HEMK1: variants seen among roughly 807,000 people sequenced by gnomAD.
HEMK1 encodes MTRF1L release factor glutamine methyltransferase.
Under a neutral mutation model 47.9 loss-of-function variants are expected in HEMK1, and 36 were observed. That is an observed-to-expected ratio of 0.75 (90% CI 0.58 to 0.99). The LOEUF (loss-of-function observed/expected upper bound fraction) is 0.99, where lower values mean the gene tolerates loss of function less well. Among genes scored for constraint, HEMK1 ranks in the 50% least tolerant of loss-of-function variants. The pLI is 0.00. For missense variants in HEMK1, 383 were observed against 434.5 expected, an observed-to-expected ratio of 0.88 and a Z score of 1.05; for synonymous variants, 153 against 165.4, an observed-to-expected ratio of 0.93 and a Z score of 0.57.
At chr3:50,574,144 C>T (rs1701316647) in intron 4 of HEMK1, among the ~76,000 whole-genome samples, 1 of 152,220 alleles carries the variant, frequency 6.6e-6, no homozygotes, top group African/African-American at 2.4e-5. Context: ...CTGCCTGCCC[C>T]TCACCTCTTT....
intron 4 of HEMK1, among the ~76,000 whole-genome samples, chr3:50,575,101 C>G (rs180801928): frequency 1.6e-4 from 25 of 152,126 alleles, no homozygotes; most frequent in African/African-American, 4.8e-4. Flanking sequence ...GAGGGTGGTG[C>G]CACAGAGAGC....
chr3:50,580,057 C>T, intron 9 of HEMK1, 59 bp from the exon 10 acceptor site: 2 of 1,548,774 alleles, frequency 1.3e-6, no homozygotes, highest in Non-Finnish European at 1.8e-6. Context: ...GCCCAAGCAG[C>T]CCAGAAGGGC....
rs1265141676 is a variant in HEMK1 at position 50,578,827 on chromosome 3, G to T, written c.671G>T (p.Ser224Ile). 1.2e-6 allele frequency: 2 copies of T among 1,611,412 alleles called. No homozygotes were observed. Among genetic ancestry groups the T allele is most frequent in the Non-Finnish European group, 1.7e-6 (2 of 1,178,260 alleles). The change falls in exon 8 of 11, where the codon AGC becomes ATC. Residue 224 changes from serine (S) to isoleucine (I), a missense_variant. Transcript: ENST00000232854. ...TCCTCTTCTTTGACGACAGAAAGGA[G>T]CTGGACACACCTGCCCTGGGGCCCC... ...IIHLDMTSER[S>I]WTHLPWGPMD...
In HEMK1 at chr3:50,591,618, G is replaced by A. The variant is rs1202453684; in HGVS notation, c.*11201G>A. On this transcript the variant is annotated 3_prime_UTR_variant, in exon 11 of 11. Transcript: ENST00000232854. ...TCCACGCAGGGCCTCCCTTGGATGG[G>A]GGAGCTCCAGGCTCTGGAAACCAAG... 1 of 152,406 alleles carries A rather than the reference G, an allele frequency of 6.6e-6. No homozygotes were observed. The highest frequency in any genetic ancestry group is 2.4e-5 in the African/African-American group (1 of 41,190). 9.4% of individuals were successfully genotyped at this position (152,406 alleles called of 1,614,324 possible).
rs1244443379 is a variant in HEMK1, at chr3:50,588,462, C to G, written c.*8045C>G. ...CAACCCCCCAGAGGGGCCTCAGGAGCCAGTTAGGTGCCCCACAGCCAACGT... is the reference window on the plus strand; with the variant it reads ...CAACCCCCCAGAGGGGCCTCAGGAGGCAGTTAGGTGCCCCACAGCCAACGT... On this transcript the variant is annotated 3_prime_UTR_variant, in exon 11 of 11. Coordinates refer to ENST00000232854, the MANE Select transcript of HEMK1 (RefSeq NM_016173.5). The G allele has an allele frequency of 6.6e-6, 1 of 152,236 alleles. No homozygotes were observed. Among genetic ancestry groups the G allele is most frequent in the Non-Finnish European group, 1.5e-5 (1 of 68,066 alleles). 9.4% of individuals were successfully genotyped at this position (152,236 alleles called of 1,614,324 possible).
At chr3:50,569,869 C>T (rs561001587) in intron 1 of HEMK1, 2 of 151,666 alleles carry the variant, frequency 1.3e-5, no homozygotes, top group South Asian at 4.2e-4. Context: ...GAGTCTCTCT[C>T]TGGCACCCAG....
chr3:50,577,009 C>A, intron 4 of HEMK1, 43 bp from the exon 5 acceptor site: 2 of 1,610,592 alleles, frequency 1.2e-6, no homozygotes, highest in Non-Finnish European at 8.5e-7. Context: ...CCCCCAGGAG[C>A]CACGTTGGCA....
rs773469824 is a variant in HEMK1 at position 50,577,545 on chromosome 3, A to C, written c.586A>C (p.Ile196Leu). The C allele has an allele frequency of 6.2e-7, 1 of 1,614,136 alleles. No individual in the cohort carries two copies. The highest frequency in any genetic ancestry group is 8.5e-7 in the Non-Finnish European group (1 of 1,180,000). ...TGCTGTGGATAAGCGGGAAGCTGCTATCTCTCTGACCCATGAGAATGCTCA... is the reference window on the plus strand; with the variant it reads ...TGCTGTGGATAAGCGGGAAGCTGCTCTCTCTCTGACCCATGAGAATGCTCA... ...VIAVDKREAA[I>L]SLTHENAQRL... The change falls in exon 6 of 11, where the codon ATC becomes CTC. Residue 196 changes from isoleucine to leucine, a missense_variant. Coordinates refer to ENST00000232854, the MANE Select transcript of HEMK1 (RefSeq NM_016173.5).
rs778221005 is a variant in HEMK1 at position 50,571,098 on chromosome 3, C to G, written c.-7C>G. On this transcript the variant is annotated 5_prime_UTR_variant, in exon 2 of 11. Coordinates refer to ENST00000232854, the MANE Select transcript of HEMK1 (RefSeq NM_016173.5). ...TGGAAGCACTCTGGAGAACCTTTCC[C>G]TGAGACATGGAGCTTTGGGGCCGAA... 1.3e-5 allele frequency: 20 copies of G among 1,576,136 alleles called. No individual in the cohort carries two copies. Among genetic ancestry groups the G allele is most frequent in the Non-Finnish European group, 1.7e-5 (20 of 1,160,758 alleles).
intron 8 of HEMK1, 111 bp downstream of exon 8, chr3:50,579,037 G>A: frequency 1.3e-6 from 1 of 764,936 alleles, no homozygotes; most frequent in Non-Finnish European, 2.2e-6. Flanking sequence ...GCTGAAATGG[G>A]CAATGGTGTT....
chr3:50,581,054 T>A lies in HEMK1; in HGVS notation c.*637T>A, dbSNP rs1320451325. The A allele has an allele frequency of 1.3e-5, 2 of 152,408 alleles. No individual in the cohort carries two copies. The highest frequency in any genetic ancestry group is 2.9e-5 in the Non-Finnish European group (2 of 68,214). The allele number at this position is 152,408 out of a possible 1,614,324, so 9.4% of individuals were successfully genotyped here. On this transcript the variant is annotated 3_prime_UTR_variant, in exon 11 of 11. Coordinates refer to ENST00000232854, the MANE Select transcript of HEMK1 (RefSeq NM_016173.5). Reference sequence around the variant, plus strand: ...TGCTGCACAGTTCCTGGGTCGCACATCCACGTTCATTTAACTGAAGGCTTG... The same window carrying A: ...TGCTGCACAGTTCCTGGGTCGCACAACCACGTTCATTTAACTGAAGGCTTG...
chr3:50,574,345 C>T (rs1258653139), intron 4 of HEMK1, among the ~76,000 whole-genome samples: 1 of 152,198 alleles, frequency 6.6e-6, no homozygotes, highest in East Asian at 1.9e-4. Context: ...CTACCCCTGC[C>T]CCAGGTGGCT....
At position 50,571,214 on chromosome 3, in the gene HEMK1, G is replaced by A. The variant is rs137999036; in HGVS notation, c.110G>A (p.Gly37Glu). The A allele has an allele frequency of 5.0e-5, 80 of 1,613,794 alleles. No homozygotes were observed. Among genetic ancestry groups the A allele is most frequent in the Middle Eastern group, 3.3e-4 (2 of 6,080 alleles). The change falls in exon 2 of 11, where the codon GGG becomes GAG. Residue 37 changes from glycine to glutamate, a missense_variant. Physicochemically the swap from Gly to Glu is moderately conservative, Grantham distance 98 (BLOSUM62 -2). Transcript: ENST00000232854. ...TGGCAACCCCAACCACCTCTGGCTG[G>A]GTTATCCAGTGCCATAGAACTGGTC... is the stretch of plus-strand genomic sequence containing the variant. ...SSWQPQPPLA[G>E]LSSAIELVSH...
chr3:50,578,430 G>A (rs1487573733), intron 7 of HEMK1, among the ~76,000 whole-genome samples: 1 of 152,242 alleles, frequency 6.6e-6, no homozygotes, highest in African/African-American at 2.4e-5. Flanking sequence ...TCAGGAATTG[G>A]CTGATGAGGC....
chr3:50,590,488 G>A lies in HEMK1; in HGVS notation c.*10071G>A, dbSNP rs926200812. On this transcript the variant is annotated 3_prime_UTR_variant, in exon 11 of 11. Coordinates refer to ENST00000232854, the MANE Select transcript of HEMK1 (RefSeq NM_016173.5). ...GGAGAATCGCTTGAACCCGGAAGGC[G>A]GAGGTTGCAGTGAGCTGAGATCACC... 5.9e-5 allele frequency: 9 copies of A among 152,116 alleles called. No homozygotes were observed. The highest frequency in any genetic ancestry group is 4.6e-4 in the Admixed American group (7 of 15,266). The allele number at this position is 152,116 out of a possible 1,614,324, so 9.4% of individuals were successfully genotyped here. A position where few individuals can be genotyped will look rare whatever the true frequency, so the allele number is the denominator to read the frequency against.
intron 4 of HEMK1, among the ~76,000 whole-genome samples, chr3:50,575,655 T>A (rs1286522593): frequency 2.0e-5 from 3 of 152,166 alleles, no homozygotes; most frequent in African/African-American, 7.2e-5. Context: ...TAGGTAGTCC[T>A]CTTTTCAGAT....
At position 50,572,156 on chromosome 3, in the gene HEMK1, G is replaced by A. The variant is rs1247387643; in HGVS notation, c.362G>A (p.Gly121Glu). 4 of 1,613,856 alleles carry A rather than the reference G, an allele frequency of 2.5e-6. No homozygotes were observed. The African/African-American group carries it at 4.0e-5, about 16-fold the overall frequency. Residue 121 changes from glycine (G) to glutamate (E), a missense_variant, in exon 4 of 11, where the codon GGG becomes GAG. Physicochemically the swap from Gly to Glu is moderately conservative, Grantham distance 98. Transcript: ENST00000232854. ...QYILGEWDFQGLSLRMVPPVF... is the reference protein window; with the variant it reads ...QYILGEWDFQELSLRMVPPVF... ...ATCCTTGGAGAGTGGGACTTCCAGG[G>A]GCTCAGCCTAAGGATGGTGCCCCCA... is the stretch of plus-strand genomic sequence containing the variant.
At position 50,590,727 on chromosome 3, in the gene HEMK1, A is replaced by G. The variant is rs1212319812; in HGVS notation, c.*10310A>G. 1 of 152,070 alleles carries G rather than the reference A, an allele frequency of 6.6e-6. No homozygotes were observed. The highest frequency in any genetic ancestry group is 1.5e-5 in the Non-Finnish European group (1 of 68,064). The allele number at this position is 152,070 out of a possible 1,614,324, so 9.4% of individuals were successfully genotyped here. On this transcript the variant is annotated 3_prime_UTR_variant, in exon 11 of 11. Coordinates refer to ENST00000232854, the MANE Select transcript of HEMK1 (RefSeq NM_016173.5). ...TCCCACCCAGCATCTGTCACAGCAA[A>G]TCAATCTGGGCCACATGCTCCTGAA...
intron 2 of HEMK1, 90 bp from the exon 3 acceptor site, chr3:50,571,620 C>T: frequency 8.3e-7 from 1 of 1,211,052 alleles, no homozygotes; most frequent in East Asian, 2.3e-5. Flanking sequence ...GCCTCCAGAC[C>T]AGTGCTGGGC....
Sources: allele counts gnomAD v4.1 joint callset (sites outside exome capture counted in the v4.1 genomes callset), GRCh38; gene constraint gnomAD v4.1.1; transcripts MANE v1.5; gene names NCBI Gene and HGNC (gene_info 2026-07-23, HGNC 2026-07-21).